HTT-AS: variants seen among roughly 807,000 people sequenced by gnomAD.
HTT-AS encodes the protein HTT antisense RNA, also known as HTT antisense RNA (head to head).
At chr4:3,052,160 G>C (rs1405168561) in intron 2 of HTT-AS, among the ~76,000 whole-genome samples, 12 of 152,190 alleles carry the variant, frequency 7.9e-5, no homozygotes, top group Non-Finnish European at 1.8e-4. Flanking sequence ...CTTAGGGAAT[G>C]AGTACTTTCT....
intron 2 of HTT-AS, among the ~76,000 whole-genome samples, chr4:3,058,395 A>T (rs575843235): frequency 6.6e-6 from 1 of 152,088 alleles, no homozygotes; most frequent in Admixed American, 6.5e-5. Context: ...GTAAACTGTC[A>T]TGGGGCTGGT....
At chr4:3,065,730 T>C (rs1405222829) in intron 1 of HTT-AS, among the ~76,000 whole-genome samples, 2 of 152,262 alleles carry the variant, frequency 1.3e-5, no homozygotes, top group Non-Finnish European at 2.9e-5. Flanking sequence ...CACAGTCTAC[T>C]GCAGAGCATC....
chr4:3,062,277 G>A (rs2798297), intron 2 of HTT-AS, among the ~76,000 whole-genome samples: 60,298 of 151,884 alleles, frequency 0.4, 12,321 homozygotes, highest in South Asian at 0.58. Flanking sequence ...TGGTCCTCCC[G>A]CCTCAGCCTC....
intron 1 of HTT-AS, among the ~76,000 whole-genome samples, chr4:3,072,741 C>T (rs985836488): frequency 2.6e-5 from 4 of 152,200 alleles, no homozygotes; most frequent in Admixed American, 2.0e-4. Context: ...AGCAATTCTG[C>T]CTCAGCCTCC....
At chr4:3,058,686 G>A (rs538645965) in intron 2 of HTT-AS, among the ~76,000 whole-genome samples, 8 of 151,558 alleles carry the variant, frequency 5.3e-5, no homozygotes, top group Admixed American at 1.3e-4. Flanking sequence ...TGGTTCCAAC[G>A]CCTCTGACAT....
chr4:3,058,196 C>T (rs1028980600), intron 2 of HTT-AS, among the ~76,000 whole-genome samples: 9 of 151,820 alleles, frequency 5.9e-5, no homozygotes, highest in South Asian at 2.1e-4. Flanking sequence ...CGTGGTGGCG[C>T]GTGCCTGTAC....
At chr4:3,055,835 C>G (rs115626080) in intron 2 of HTT-AS, among the ~76,000 whole-genome samples, 1,573 of 152,306 alleles carry the variant, frequency 0.01, 19 homozygotes, top group African/African-American at 0.036. Context: ...TTTACACCCC[C>G]TGCAATATTA....
At chr4:3,069,698 C>T (rs1433334577) in intron 1 of HTT-AS, among the ~76,000 whole-genome samples, 1 of 152,172 alleles carries the variant, frequency 6.6e-6, no homozygotes. Flanking sequence ...AAGGAGGACG[C>T]GCCCCCGCCG....
intron 1 of HTT-AS, among the ~76,000 whole-genome samples, chr4:3,065,932 C>A (rs748139792): frequency 1.3e-5 from 2 of 152,206 alleles, no homozygotes; most frequent in Non-Finnish European, 1.5e-5. Context: ...AAGTTTGGGA[C>A]CATCTTTATT....
chr4:3,064,286 G>T (rs962843652), intron 1 of HTT-AS, among the ~76,000 whole-genome samples: 4 of 151,826 alleles, frequency 2.6e-5, no homozygotes, highest in African/African-American at 9.7e-5. Context: ...AGCAGAGACG[G>T]GGTTTCACCA....
At chr4:3,074,614 G>GC (rs1474658569), upstream of HTT-AS, 48 of 419,614 alleles carry the variant, frequency 1.1e-4, no homozygotes, top group Non-Finnish European at 1.6e-4. Context: ...GGCCGGCGTG[G>GC]CCCCGCCTCC....
At chr4:3,052,416 G>C (rs1441268878) in intron 2 of HTT-AS, among the ~76,000 whole-genome samples, 2 of 152,148 alleles carry the variant, frequency 1.3e-5, no homozygotes, top group African/African-American at 4.8e-5. Flanking sequence ...GGGACTCCTT[G>C]GGAAAACAGG....
At chr4:3,052,356 T>C (rs1479838441) in intron 2 of HTT-AS, among the ~76,000 whole-genome samples, 2 of 152,128 alleles carry the variant, frequency 1.3e-5, no homozygotes, top group East Asian at 3.8e-4. Flanking sequence ...AAGAGTGCAA[T>C]GGTTAAAAGT....
chr4:3,057,928 TTTC>T (rs1711840946), intron 2 of HTT-AS, among the ~76,000 whole-genome samples: 2 of 151,496 alleles, frequency 1.3e-5, no homozygotes, highest in Admixed American at 1.3e-4. Context: ...CTGCTGATTA[TTTC>T]TTGATTATAT....
intron 1 of HTT-AS, among the ~76,000 whole-genome samples, chr4:3,068,087 C>T (rs1435289992): frequency 5.9e-5 from 9 of 151,734 alleles, no homozygotes; most frequent in Admixed American, 3.3e-4. Flanking sequence ...GGGTGGATCA[C>T]GAGGTCAGGA....
intron 2 of HTT-AS, among the ~76,000 whole-genome samples, chr4:3,054,540 G>C (rs1711771300): frequency 6.6e-6 from 1 of 152,104 alleles, no homozygotes; most frequent in African/African-American, 2.4e-5. Flanking sequence ...GAGGGTTAAA[G>C]GGTTTTTAAG....
At chr4:3,073,229 T>C (rs1712234081) in intron 1 of HTT-AS, among the ~76,000 whole-genome samples, 2 of 152,104 alleles carry the variant, frequency 1.3e-5, no homozygotes, top group Admixed American at 6.5e-5. Context: ...CTGGCTAAAG[T>C]AGGCTTTACT....
exon 2 of HTT-AS, among the ~76,000 whole-genome samples, chr4:3,062,661 G>A (rs776968915): frequency 2.0e-5 from 3 of 151,836 alleles, no homozygotes; most frequent in Admixed American, 1.3e-4. Context: ...TCTGCTTGGC[G>A]TGTTGTTCAT....
intron 1 of HTT-AS, among the ~76,000 whole-genome samples, chr4:3,071,589 G>C (rs1352198823): frequency 1.3e-5 from 2 of 152,150 alleles, no homozygotes; most frequent in African/African-American, 4.8e-5. Context: ...CAGAGCGGCT[G>C]CTAGGGTGCA....
Sources: allele counts gnomAD v4.1 joint callset (sites outside exome capture counted in the v4.1 genomes callset), GRCh38; gene constraint gnomAD v4.1.1; transcripts MANE v1.5; gene names NCBI Gene and HGNC (gene_info 2026-07-23, HGNC 2026-07-21).